The following PTPMT1 variants were observed in gnomAD, a reference collection of about 807,000 sequenced individuals.
The protein encoded by PTPMT1 is protein tyrosine phosphatase mitochondrial 1.
Under a neutral mutation model 17.8 loss-of-function variants are expected in PTPMT1, and 12 were observed. That is an observed-to-expected ratio of 0.67 (90% CI 0.43 to 1.09). The LOEUF is 1.09. Among genes scored for constraint, PTPMT1 ranks in the 50% least tolerant of loss-of-function variants. The pLI is 0.00. For synonymous variants in PTPMT1, 132 were observed against 116.8 expected (o/e 1.13, Z -0.84); for missense variants, 262 against 266.0 (o/e 0.99, Z 0.10).
At position 47,565,603 on chromosome 11, in the gene PTPMT1, C is replaced by T; in HGVS notation, c.-20C>T. On this transcript the variant is annotated 5_prime_UTR_variant, in exon 1 of 4. Coordinates refer to ENST00000326674, the MANE Select transcript of PTPMT1 (RefSeq NM_175732.3). ...ACCGCGAGCGCGGGGGCCGACGGGT[C>T]GCCGCTGCGCCGGGCCGGGATGGCG... 7.9e-7 allele frequency: 1 copy of T among 1,263,416 alleles called. No individual in the cohort carries two copies. The highest frequency in any genetic ancestry group is 1.6e-5 in the African/African-American group (1 of 64,184). 78.3% of individuals were successfully genotyped at this position (1,263,416 alleles called of 1,614,324 possible).
rs1447705229 is a variant in PTPMT1 at position 47,571,483 on chromosome 11, A to G, written c.460A>G (p.Ser154Gly). 5.0e-6 allele frequency: 8 copies of G among 1,613,610 alleles called. No homozygotes were observed. ...CCCTGTACTTCAGGTGCACAAATGG[A>G]GTCCAGAGGAGGCTGTAAGAGCCAT... ...AAYLIQVHKW[S>G]PEEAVRAIAK... The change falls in exon 4 of 4, where the codon AGT (serine) becomes GGT (glycine). Residue 154 changes from serine to glycine, a missense_variant. Physicochemically the swap from Ser to Gly is moderately conservative, Grantham distance 56 (BLOSUM62 0). Coordinates refer to ENST00000326674, the MANE Select transcript of PTPMT1 (RefSeq NM_175732.3).
chr11:47,570,221 C>T (rs1274128343), intron 3 of PTPMT1, among the ~76,000 whole-genome samples: 1 of 151,190 alleles, frequency 6.6e-6, no homozygotes, highest in East Asian at 1.9e-4. Context: ...TCTTTCTGGT[C>T]CCATTTATAG....
chr11:47,569,665 C>A, intron 2 of PTPMT1, 35 bp from the exon 3 acceptor site: 1 of 1,535,024 alleles, frequency 6.5e-7, no homozygotes, highest in Non-Finnish European at 8.8e-7. Context: ...AGTTTTTTTT[C>A]ATTCTCTTTT....
intron 2 of PTPMT1, among the ~76,000 whole-genome samples, chr11:47,569,424 T>G (rs2153793048): frequency 6.6e-6 from 1 of 151,642 alleles, no homozygotes; most frequent in South Asian, 2.1e-4. Context: ...ACTTTAAATC[T>G]TGGACATAAT....
At position 47,566,497 on chromosome 11, in the gene PTPMT1, A is replaced by AG. The variant is rs993951453; in HGVS notation, c.255+511_255+512insG. Among the ~76,000 whole-genome samples, 120 of 152,044 alleles carry AG rather than the reference A, an allele frequency of 7.9e-4. 3 individuals carry two copies. The South Asian group carries it at 0.024, about 30-fold the overall frequency. ...GGAGTGAAACAATGTCTCAAAAAAA[A>AG]AAAAAAAAAAAGTGGAAGTTGACAA... On this transcript the variant is annotated intron_variant, in intron 2 of 3. Transcript: ENST00000326674.
chr11:47,572,519 G>A lies in PTPMT1; in HGVS notation c.*890G>A, dbSNP rs1352372390. On this transcript the variant is annotated 3_prime_UTR_variant, in exon 4 of 4. Transcript: ENST00000326674. ...AAACTCTTAACACCTAATTCTTTGT[G>A]GAAAAATGATCAACTAGCCATTTCA... is the stretch of plus-strand genomic sequence containing the variant. The A allele has an allele frequency of 5.7e-6, 1 of 175,882 alleles. No individual in the cohort carries two copies. Among genetic ancestry groups the A allele is most frequent in the Non-Finnish European group, 1.2e-5 (1 of 82,236 alleles). 10.9% of individuals were successfully genotyped at this position (175,882 alleles called of 1,614,324 possible). A position where few individuals can be genotyped will look rare whatever the true frequency, so the allele number is the denominator to read the frequency against.
intron 2 of PTPMT1, among the ~76,000 whole-genome samples, chr11:47,568,755 G>A (rs531501498): frequency 8.5e-5 from 13 of 152,090 alleles, no homozygotes; most frequent in Admixed American, 2.0e-4. Flanking sequence ...ACAATGGTGC[G>A]ATCTCTGCTC....
chr11:47,571,515 G>A lies in PTPMT1; in HGVS notation c.492G>A (p.Lys164=), dbSNP rs761913522. The A allele has an allele frequency of 2.2e-5, 36 of 1,613,916 alleles. No individual in the cohort carries two copies. In the Admixed American group the frequency reaches 5.7e-4, roughly 25 times the overall value. The change falls in exon 4 of 4, where the codon AAG becomes AAA. Residue 164 remains lysine, a synonymous_variant. Coordinates refer to ENST00000326674, the MANE Select transcript of PTPMT1 (RefSeq NM_175732.3). The stretch of plus-strand genomic sequence containing the variant: ...AGGAGGCTGTAAGAGCCATCGCCAA[G>A]ATCCGGTCATACATCCACATCAGGC... ...SPEEAVRAIA[K]IRSYIHIRPG...
chr11:47,568,538 C>T (rs532354406), intron 2 of PTPMT1, among the ~76,000 whole-genome samples: 38 of 151,988 alleles, frequency 2.5e-4, no homozygotes, highest in African/African-American at 9.2e-4. Flanking sequence ...CAAAATTAGC[C>T]AGGCACAGTG....
intron 2 of PTPMT1, among the ~76,000 whole-genome samples, chr11:47,567,734 A>AT (rs1454980571): frequency 7.0e-6 from 1 of 142,988 alleles, no homozygotes; most frequent in Non-Finnish European, 1.5e-5. Context: ...TAATTTTTGT[A>AT]TTTTTTATGG....
rs2097250315 is a variant in PTPMT1 at position 47,572,242 on chromosome 11, C to T, written c.*613C>T. Reference sequence around the variant, plus strand: ...TGTATCAACAGTTCCTAGCTCTTGACTTAGCTTAGAGCTTTTAAAAGAGCA... The same window carrying T: ...TGTATCAACAGTTCCTAGCTCTTGATTTAGCTTAGAGCTTTTAAAAGAGCA... On this transcript the variant is annotated 3_prime_UTR_variant, in exon 4 of 4. Coordinates refer to ENST00000326674, the MANE Select transcript of PTPMT1 (RefSeq NM_175732.3). 6.5e-6 allele frequency: 1 copy of T among 152,846 alleles called. No homozygotes were observed. Among genetic ancestry groups the T allele is most frequent in the Non-Finnish European group, 1.5e-5 (1 of 68,198 alleles). 9.5% of individuals were successfully genotyped at this position (152,846 alleles called of 1,614,324 possible).
At position 47,572,985 on chromosome 11, in the gene PTPMT1, G is replaced by C; in HGVS notation, c.*1356G>C. 1 of 1,614,222 alleles carries C rather than the reference G, an allele frequency of 6.2e-7. No homozygotes were observed. The highest frequency in any genetic ancestry group is 8.5e-7 in the Non-Finnish European group (1 of 1,180,042). ...CAGCACCTTAATACCTCTTGTGACAGTTACGGCTGAAGTGGCAGGGTCAAG... is the reference window on the plus strand; with the variant it reads ...CAGCACCTTAATACCTCTTGTGACACTTACGGCTGAAGTGGCAGGGTCAAG... On this transcript the variant is annotated 3_prime_UTR_variant, in exon 4 of 4. Transcript: ENST00000326674.
At position 47,571,575 on chromosome 11, in the gene PTPMT1, G is replaced by A. The variant is rs2097249722; in HGVS notation, c.552G>A (p.Lys184=). 3 of 1,613,852 alleles carry A rather than the reference G, an allele frequency of 1.9e-6. No homozygotes were observed. Among genetic ancestry groups the A allele is most frequent in the Admixed American group, 1.7e-5 (1 of 59,948 alleles). ...GQLDVLKEFH[K]QITARATKDG... ...TGGATGTTCTTAAAGAGTTCCACAA[G>A]CAGATTACTGCACGGGCAACAAAGG... is the stretch of plus-strand genomic sequence containing the variant. Residue 184 remains lysine, a synonymous_variant, in exon 4 of 4, where the codon AAG becomes AAA. Coordinates refer to ENST00000326674, the MANE Select transcript of PTPMT1 (RefSeq NM_175732.3).
chr11:47,567,863 A>G lies in PTPMT1; in HGVS notation c.256-1837A>G, dbSNP rs188589029. The stretch of plus-strand genomic sequence containing the variant: ...CGTGAGCCACCACACCTGGCCACCT[A>G]TTTCTTCTAAGTGATAACATTGCAC... On this transcript the variant is annotated intron_variant, in intron 2 of 3. Transcript: ENST00000326674. Among the ~76,000 whole-genome samples, 737 of 151,682 alleles carry G rather than the reference A, an allele frequency of 4.9e-3. 8 individuals carry two copies. The highest frequency in any genetic ancestry group is 7.6e-3 in the Non-Finnish European group (516 of 67,866).
At chr11:47,569,194 T>C (rs1040252035) in intron 2 of PTPMT1, among the ~76,000 whole-genome samples, 6 of 151,674 alleles carry the variant, frequency 4.0e-5, no homozygotes, top group Non-Finnish European at 7.4e-5. Flanking sequence ...GAGACCAGCC[T>C]GGCCAACATG....
rs1251706979 is a variant in PTPMT1, at chr11:47,572,835, CA to C, written c.*1214del. The C allele has an allele frequency of 7.1e-5, 98 of 1,384,320 alleles. No individual in the cohort carries two copies. Among genetic ancestry groups the C allele is most frequent in the Admixed American group, 1.6e-4 (7 of 42,850 alleles). The allele number at this position is 1,384,320 out of a possible 1,614,324, so 85.8% of individuals were successfully genotyped here. On this transcript the variant is annotated 3_prime_UTR_variant, in exon 4 of 4. Transcript: ENST00000326674. ...GAGGCACTGCCTTTCTAGTATGTGC[CA>C]AAAAAAACATAACTCTGAATTGGGG...
At chr11:47,571,435 TTC>T (rs1225858820) in intron 3 of PTPMT1, 34 bp from the exon 4 acceptor site, 1 of 1,606,050 alleles carries the variant, frequency 6.2e-7, no homozygotes, top group African/African-American at 1.3e-5. Context: ...ACCTGCTTCT[TTC>T]TTTCTCTGCT....
rs2097250627 is a variant in PTPMT1 at position 47,572,401 on chromosome 11, A to AC, written c.*773dup. 1 of 153,432 alleles carries AC rather than the reference A, an allele frequency of 6.5e-6. No homozygotes were observed. Among genetic ancestry groups the AC allele is most frequent in the African/African-American group, 2.4e-5 (1 of 41,476 alleles). The allele number at this position is 153,432 out of a possible 1,614,324, so 9.5% of individuals were successfully genotyped here. A position where few individuals can be genotyped will look rare whatever the true frequency, so the allele number is the denominator to read the frequency against. The stretch of plus-strand genomic sequence containing the variant: ...CATTTCCTGACAGATGGATAAGAAA[A>AC]CAATAGAAGGAACATCCTGAATTCT... On this transcript the variant is annotated 3_prime_UTR_variant, in exon 4 of 4. Transcript: ENST00000326674.
Position 47,572,962 on chromosome 11 carries a change from G to C in PTPMT1, c.*1333G>C. The C allele has an allele frequency of 6.2e-7, 1 of 1,614,168 alleles. No homozygotes were observed. The highest frequency in any genetic ancestry group is 8.5e-7 in the Non-Finnish European group (1 of 1,180,006). On this transcript the variant is annotated 3_prime_UTR_variant, in exon 4 of 4. Transcript: ENST00000326674. ...AACACAAACTGCAAATTGGTAAGCA[G>C]CACCTTAATACCTCTTGTGACAGTT...
Sources: allele counts gnomAD v4.1 joint callset (sites outside exome capture counted in the v4.1 genomes callset), GRCh38; gene constraint gnomAD v4.1.1; transcripts MANE v1.5; gene names NCBI Gene and HGNC (gene_info 2026-07-23, HGNC 2026-07-21).